Variants in SKA3 observed in about 807,000 individuals in gnomAD.
SKA3 encodes spindle and kinetochore associated complex subunit 3, also known as spindle and kinetochore-associated protein 3.
In SKA3, 39 loss-of-function variants were observed where a neutral mutation model predicts 44.2. The observed-to-expected ratio is 0.88, with a 90% CI of 0.68 to 1.15. The LOEUF (loss-of-function observed/expected upper bound fraction) is 1.15. Among genes scored for constraint, SKA3 ranks in the 50% most tolerant of loss-of-function variants. The pLI is 0.00. For synonymous variants in SKA3, 192 were observed against 172.0 expected (o/e 1.12, Z -0.91); for missense variants, 511 against 485.8 (o/e 1.05, Z -0.49).
At chr13:21,167,958 T>C (rs201193341) in intron 4 of SKA3, 30 bp downstream of exon 4, 4 of 1,104,500 alleles carry the variant, frequency 3.6e-6, no homozygotes, top group African/African-American at 1.5e-5. Context: ...GAAAGCTAGA[T>C]AAAATATGCC....
chr13:21,165,122 T>C (rs1472462407), intron 4 of SKA3, among the ~76,000 whole-genome samples: 1 of 152,106 alleles, frequency 6.6e-6, no homozygotes, highest in Non-Finnish European at 1.5e-5. Flanking sequence ...TTGATTTTTT[T>C]TCCAGTTAAC....
chr13:21,172,746 A>G, intron 1 of SKA3, 65 bp from the exon 2 acceptor site: 1 of 944,512 alleles, frequency 1.1e-6, no homozygotes, highest in Non-Finnish European at 1.6e-6. Context: ...AAGAAAAAGA[A>G]TAGTATACAA....
rs1474453741 is a variant in SKA3, at chr13:21,153,957, C to A, written c.*1193G>T. ...TTATATTTAATAAAAATAATACTTA[C>A]AACTACCCAGTAACTCCTAGAACAA... On this transcript the variant is annotated 3_prime_UTR_variant, in exon 9 of 9. Transcript: ENST00000314759. 1 of 152,198 alleles carries A rather than the reference C, an allele frequency of 6.6e-6. No homozygotes were observed. Among genetic ancestry groups the A allele is most frequent in the Non-Finnish European group, 1.5e-5 (1 of 68,036 alleles). The allele number at this position is 152,198 out of a possible 1,614,324, so 9.4% of individuals were successfully genotyped here. A position where few individuals can be genotyped will look rare whatever the true frequency, so the allele number is the denominator to read the frequency against.
chr13:21,163,399 TG>T (rs1452386542), intron 4 of SKA3, among the ~76,000 whole-genome samples: 4 of 152,192 alleles, frequency 2.6e-5, no homozygotes, highest in Non-Finnish European at 1.5e-5. Flanking sequence ...GAAATAATAG[TG>T]TTATATATAT....
chr13:21,171,274 A>C (rs1871029447), intron 3 of SKA3, among the ~76,000 whole-genome samples: 1 of 152,164 alleles, frequency 6.6e-6, no homozygotes, highest in African/African-American at 2.4e-5. Flanking sequence ...GTTCAATTTA[A>C]TAACAGAAAT....
At chr13:21,157,743 T>G (rs138254821) in intron 7 of SKA3, among the ~76,000 whole-genome samples, 179 bp downstream of exon 7, 1 of 152,158 alleles carries the variant, frequency 6.6e-6, no homozygotes, top group Admixed American at 6.5e-5. Flanking sequence ...GAAACCACAG[T>G]TGAACAAGAA....
chr13:21,162,675 C>T (rs2137365503), intron 4 of SKA3, among the ~76,000 whole-genome samples: 1 of 152,198 alleles, frequency 6.6e-6, no homozygotes, highest in East Asian at 1.9e-4. Context: ...GCCACTACAC[C>T]TGGTCATTGT....
chr13:21,167,582 T>C lies in SKA3; in HGVS notation c.743+406A>G, dbSNP rs566098332. 5.5e-4 allele frequency among the ~76,000 whole-genome samples: 83 copies of C among 152,054 alleles called. 1 individual carries two copies. The highest frequency in any genetic ancestry group is 7.9e-4 in the Non-Finnish European group (54 of 67,956). ...GAGATCAGGACCATCCTGGCTAACA[T>C]GGTGAAACCCCGTCTGTACTAAAAA... On this transcript the variant is annotated intron_variant, in intron 4 of 8. Coordinates refer to ENST00000314759, the MANE Select transcript of SKA3 (RefSeq NM_145061.6).
In SKA3 at chr13:21,155,088, G is replaced by T. The variant is rs757405535; in HGVS notation, c.*62C>A. 1 of 1,607,538 alleles carries T rather than the reference G, an allele frequency of 6.2e-7. No homozygotes were observed. ...GCAGGGCAATGTGAATGTTAAAATC[G>T]GTCCAGCTCGGCTTTCATCTCATTT... is the stretch of plus-strand genomic sequence containing the variant. On this transcript the variant is annotated 3_prime_UTR_variant, in exon 9 of 9. Transcript: ENST00000314759.
At chr13:21,160,693 T>C (rs935913822) in intron 5 of SKA3, among the ~76,000 whole-genome samples, 4 of 152,102 alleles carry the variant, frequency 2.6e-5, no homozygotes, top group African/African-American at 7.2e-5. Context: ...TAAGTAAAAA[T>C]GTGCATGCCC....
At position 21,157,976 on chromosome 13, in the gene SKA3, C is replaced by T; in HGVS notation, c.1065G>A (p.Leu355=). 2 of 1,612,586 alleles carry T rather than the reference C, an allele frequency of 1.2e-6. No homozygotes were observed. Among genetic ancestry groups the T allele is most frequent in the Non-Finnish European group, 1.7e-6 (2 of 1,179,384 alleles). The change falls in exon 7 of 9, where the codon CTG becomes CTA. Residue 355 remains leucine, a synonymous_variant. Coordinates refer to ENST00000314759, the MANE Select transcript of SKA3 (RefSeq NM_145061.6). ...CTTCCGGAGGTGTAGGTGTTCTGAGCAGATTCTCATAAGAAGAAATCGTAG... is the reference window on the plus strand; with the variant it reads ...CTTCCGGAGGTGTAGGTGTTCTGAGTAGATTCTCATAAGAAGAAATCGTAG... ...SSPTISSYEN[L]LRTPTPPEVT... is the part of the protein sequence containing the mutation.
chr13:21,162,130 GGAATTTTATAACCAGTGTACACATATA>G (rs1185818643), intron 4 of SKA3, among the ~76,000 whole-genome samples: 1 of 152,082 alleles, frequency 6.6e-6, no homozygotes, highest in Non-Finnish European at 1.5e-5. Context: ...ATCCTAAAGT[GGAATTTTATAACCAGTGTACACATATA>G]GATTAAAAAC....
chr13:21,165,529 T>G (rs1768416610), intron 4 of SKA3, among the ~76,000 whole-genome samples: 1 of 152,196 alleles, frequency 6.6e-6, no homozygotes, highest in Non-Finnish European at 1.5e-5. Flanking sequence ...ATTTTATTAT[T>G]TCTATACGTT....
intron 4 of SKA3, among the ~76,000 whole-genome samples, chr13:21,164,925 G>A (rs769540411): frequency 3.9e-5 from 6 of 152,042 alleles, no homozygotes; most frequent in Non-Finnish European, 8.8e-5. Flanking sequence ...ATATCGTTAA[G>A]ATGTCTAATC....
At chr13:21,157,439 T>C (rs1413738329) in intron 7 of SKA3, among the ~76,000 whole-genome samples, 1 of 152,238 alleles carries the variant, frequency 6.6e-6, no homozygotes, top group Non-Finnish European at 1.5e-5. Context: ...AGGCACTTGC[T>C]ACACAGTGAT....
chr13:21,159,345 G>GA (rs1226699172), intron 6 of SKA3, among the ~76,000 whole-genome samples: 9 of 151,976 alleles, frequency 5.9e-5, no homozygotes, highest in South Asian at 2.1e-4. Flanking sequence ...AAATTTAGGG[G>GA]AAAAAAGCAC....
chr13:21,160,687 T>TA (rs1446672686), intron 5 of SKA3, among the ~76,000 whole-genome samples: 1 of 151,998 alleles, frequency 6.6e-6, no homozygotes, highest in Non-Finnish European at 1.5e-5. Flanking sequence ...CTAGAATAAG[T>TA]AAAAATGTGC....
intron 1 of SKA3, 89 bp downstream of exon 1, chr13:21,176,286 G>C: frequency 2.0e-6 from 2 of 1,016,198 alleles, no homozygotes; most frequent in Non-Finnish European, 2.6e-6. Context: ...AGTGCCTGGC[G>C]GTTCCCGTGG....
rs548993413 is a variant in SKA3 at position 21,157,931 on chromosome 13, A to G, written c.1110T>C (p.Asp370=). The G allele has an allele frequency of 2.5e-6, 4 of 1,590,988 alleles. No individual in the cohort carries two copies. The South Asian group carries it at 3.5e-5, about 14-fold the overall frequency. Residue 370 remains aspartate (D), a synonymous_variant, in exon 7 of 9, where the codon GAT becomes GAC. Coordinates refer to ENST00000314759, the MANE Select transcript of SKA3 (RefSeq NM_145061.6). ...TPPEVTKIPE[D]ILQLLSKYNS... ...AGCCTGGAAAAATAACCTGGAGAAT[A>G]TCTTCTGGAATTTTAGTTACTTCCG... is the stretch of plus-strand genomic sequence containing the variant.
Sources: allele counts gnomAD v4.1 joint callset (sites outside exome capture counted in the v4.1 genomes callset), GRCh38; gene constraint gnomAD v4.1.1; transcripts MANE v1.5; gene names NCBI Gene and HGNC (gene_info 2026-07-23, HGNC 2026-07-21).